The following ZNF420 variants were observed in gnomAD, a reference collection of about 807,000 sequenced individuals.
ZNF420 encodes the protein ATM and p53-associated KZNF protein.
A neutral mutation model predicts 44.7 loss-of-function variants in ZNF420; 31 were observed. That is an observed-to-expected ratio of 0.69 (90% CI 0.52 to 0.94). The LOEUF is 0.94. Ranked by LOEUF, ZNF420 falls within the 40% of genes least tolerant of loss-of-function variation. The pLI is 0.00. For synonymous variants in ZNF420, 245 were observed against 267.4 expected (o/e 0.92, Z 0.82); for missense variants, 681 against 827.9 (o/e 0.82, Z 2.18).
chr19:37,108,057 A>G (rs1970191266), intron 4 of ZNF420, among the ~76,000 whole-genome samples: 1 of 152,152 alleles, frequency 6.6e-6, no homozygotes, highest in African/African-American at 2.4e-5. Context: ...TCCAAATGAC[A>G]GTCTAAGATC....
chr19:37,106,875 G>A (rs1970118519), intron 4 of ZNF420: 1 of 152,014 alleles, frequency 6.6e-6, no homozygotes, highest in Admixed American at 6.6e-5. Context: ...AGGGTCAGCG[G>A]GAAAACATGT....
chr19:37,018,045 C>A (rs1334456489), intron 1 of ZNF420, among the ~76,000 whole-genome samples: 1 of 151,886 alleles, frequency 6.6e-6, no homozygotes, highest in African/African-American at 2.4e-5. Context: ...AAAGAGAAAA[C>A]CATGCCATTC....
chr19:37,038,819 C>T (rs1412899591), intron 1 of ZNF420, among the ~76,000 whole-genome samples: 2 of 151,980 alleles, frequency 1.3e-5, no homozygotes, highest in African/African-American at 2.4e-5. Context: ...GAAGCCCCGT[C>T]TCTACTAAAA....
chr19:37,104,348 G>A (rs1969958797), intron 4 of ZNF420, among the ~76,000 whole-genome samples: 3 of 152,102 alleles, frequency 2.0e-5, no homozygotes, highest in Admixed American at 2.0e-4. Flanking sequence ...GTATTCCATG[G>A]TGTATATATG....
At chr19:37,008,708 G>A (rs902245620) in intron 1 of ZNF420, among the ~76,000 whole-genome samples, 3 of 152,204 alleles carry the variant, frequency 2.0e-5, no homozygotes, top group African/African-American at 4.8e-5. Context: ...CAAGTCACCC[G>A]TTTGGCACTC....
chr19:37,130,311 A>T lies in ZNF420; in HGVS notation c.*1253A>T. On this transcript the variant is annotated 3_prime_UTR_variant, in exon 5 of 5. Coordinates refer to ENST00000337995, the MANE Select transcript of ZNF420 (RefSeq NM_144689.5). Reference sequence around the variant, plus strand: ...CTCTTTAAATAAAATTAAACATCTTATTTGTTGATGCTATTGTAGTTCTGT... The same window carrying T: ...CTCTTTAAATAAAATTAAACATCTTTTTTGTTGATGCTATTGTAGTTCTGT... 7.1e-7 allele frequency: 1 copy of T among 1,401,278 alleles called. No individual in the cohort carries two copies. Among genetic ancestry groups the T allele is most frequent in the Non-Finnish European group, 9.3e-7 (1 of 1,075,082 alleles). 86.8% of individuals were successfully genotyped at this position (1,401,278 alleles called of 1,614,324 possible). A position where few individuals can be genotyped will look rare whatever the true frequency, so the allele number is the denominator to read the frequency against.
chr19:37,120,535 C>G (rs1970969083), intron 4 of ZNF420, among the ~76,000 whole-genome samples: 1 of 152,168 alleles, frequency 6.6e-6, no homozygotes, highest in Non-Finnish European at 1.5e-5. Flanking sequence ...TGGGCAAAAA[C>G]TGGAAGCACT....
intron 1 of ZNF420, among the ~76,000 whole-genome samples, chr19:37,025,766 C>T (rs1436675467): frequency 7.7e-6 from 1 of 130,338 alleles, no homozygotes; most frequent in African/African-American, 3.1e-5. Context: ...ATTTTTAAAC[C>T]TGTCTTTTTT....
intron 1 of ZNF420, among the ~76,000 whole-genome samples, chr19:37,012,764 CTCTGTGTGTGTGTGTG>C (rs71177420): frequency 0.051 from 6,764 of 132,304 alleles, 253 homozygotes; most frequent in Non-Finnish European, 0.07. Context: ...TGCTATATGT[CTCTGTGTGTGTGTGTG>C]TGTGTGTGTG....
intron 1 of ZNF420, among the ~76,000 whole-genome samples, chr19:37,060,324 G>C (rs1449671222): frequency 2.0e-5 from 3 of 152,228 alleles, no homozygotes; most frequent in African/African-American, 7.2e-5. Context: ...GAAGAAGCTG[G>C]GATGGGGACA....
intron 1 of ZNF420, among the ~76,000 whole-genome samples, chr19:37,068,361 C>T (rs750813547): frequency 2.1e-4 from 32 of 152,016 alleles, no homozygotes; most frequent in Non-Finnish European, 4.4e-4. Context: ...TACAAATGGC[C>T]GGGCGCGGTG....
At position 37,120,027 on chromosome 19, in the gene ZNF420, A is replaced by G. The variant is rs370911792; in HGVS notation, c.137-7101A>G. The stretch of plus-strand genomic sequence containing the variant: ...TCCAGGACCAGATGGATTCACAGCC[A>G]AATTCTACCAGAGGTACAAGGAGGA... On this transcript the variant is annotated intron_variant, in intron 4 of 4. Transcript: ENST00000337995. 1.4e-3 allele frequency among the ~76,000 whole-genome samples: 210 copies of G among 152,222 alleles called. 3 individuals are homozygous for G. The highest frequency in any genetic ancestry group is 4.9e-3 in the African/African-American group (203 of 41,536).
rs529809717 is a variant in ZNF420 at position 37,121,811 on chromosome 19, A to T, written c.137-5317A>T. 3.9e-4 allele frequency among the ~76,000 whole-genome samples: 59 copies of T among 152,364 alleles called. No individual in the cohort carries two copies. The East Asian group carries it at 0.011, about 27-fold the overall frequency. ...CCCCATCAAAAAGTGGGTGAAGGAT[A>T]TGAACAGACACTTCTCAAAAGAAGA... On this transcript the variant is annotated intron_variant, in intron 4 of 4. Transcript: ENST00000337995.
intron 1 of ZNF420, among the ~76,000 whole-genome samples, chr19:37,061,615 A>G (rs1356545668): frequency 6.6e-6 from 1 of 152,238 alleles, no homozygotes. Context: ...AGAAAACAAT[A>G]TGATGAAGCC....
intron 4 of ZNF420, among the ~76,000 whole-genome samples, chr19:37,117,905 A>G (rs954006210): frequency 5.9e-5 from 9 of 152,320 alleles, no homozygotes; most frequent in South Asian, 2.1e-4. Context: ...AAATGAAGCA[A>G]GAAGAGAAGT....
chr19:37,089,996 A>G (rs1027117317), intron 3 of ZNF420, among the ~76,000 whole-genome samples: 5 of 152,200 alleles, frequency 3.3e-5, no homozygotes, highest in African/African-American at 1.2e-4. Flanking sequence ...CTTTAATTTT[A>G]TACAAATCTT....
intron 4 of ZNF420, among the ~76,000 whole-genome samples, chr19:37,100,666 G>C (rs1167286507): frequency 1.3e-5 from 2 of 151,814 alleles, no homozygotes; most frequent in African/African-American, 4.8e-5. Flanking sequence ...TGAGCCAAGA[G>C]TGTGCCATTG....
At chr19:37,036,581 T>A (rs1308093539) in intron 1 of ZNF420, among the ~76,000 whole-genome samples, 1 of 152,180 alleles carries the variant, frequency 6.6e-6, no homozygotes, top group African/African-American at 2.4e-5. Flanking sequence ...ATCCTTTGGT[T>A]CATAGATATT....
intron 1 of ZNF420, among the ~76,000 whole-genome samples, chr19:37,056,935 C>T (rs946186364): frequency 3.3e-5 from 5 of 152,260 alleles, no homozygotes; most frequent in African/African-American, 7.2e-5. Context: ...TCTGCGCTGC[C>T]GCCATTGCTT....
Sources: gnomAD v4.1 joint callset for allele counts (sites outside exome capture counted in the v4.1 genomes callset) on GRCh38, gnomAD v4.1.1 for gene constraint, MANE v1.5 for transcripts, NCBI Gene and HGNC (gene_info 2026-07-23, HGNC 2026-07-21) for gene names.